The following UNC5C variants were observed in gnomAD, a reference collection of about 807,000 sequenced individuals.
UNC5C encodes the protein netrin receptor UNC5C.
UNC5C carries 47 observed loss-of-function variants against 99.8 expected under a neutral mutation model. That is an observed-to-expected ratio of 0.47 (90% confidence interval 0.37 to 0.60). The LOEUF (loss-of-function observed/expected upper bound fraction) is 0.60, where lower values mean the gene tolerates loss of function less well. Among genes scored for constraint, UNC5C ranks in the 20% least tolerant of loss-of-function variants. The pLI is 0.00. For missense variants in UNC5C, 1,062 were observed against 1,165.9 expected (o/e 0.91, Z 1.30); for synonymous variants, 487 against 452.2 (o/e 1.08, Z -0.98).
intron 12 of UNC5C, among the ~76,000 whole-genome samples, chr4:95,188,639 G>A (rs562900653): frequency 6.6e-5 from 10 of 152,202 alleles, no homozygotes; most frequent in African/African-American, 1.7e-4. Context: ...TGAATTCTTC[G>A]CACATGATCT....
At chr4:95,392,443 T>A (rs200305186) in intron 1 of UNC5C, among the ~76,000 whole-genome samples, 1,343 of 90,510 alleles carry the variant, frequency 0.015, 23 homozygotes, top group African/African-American at 0.075. Flanking sequence ...TTTTTTTTTT[T>A]TAAAAAAAAA....
intron 1 of UNC5C, among the ~76,000 whole-genome samples, chr4:95,515,434 A>C (rs1000591953): frequency 2.0e-5 from 3 of 152,204 alleles, no homozygotes; most frequent in Non-Finnish European, 4.4e-5. Flanking sequence ...GTCTGAATGA[A>C]ATCCCAATGG....
At chr4:95,437,655 C>A (rs1746831907) in intron 1 of UNC5C, among the ~76,000 whole-genome samples, 1 of 152,032 alleles carries the variant, frequency 6.6e-6, no homozygotes, top group South Asian at 2.1e-4. Flanking sequence ...CCTACTACAA[C>A]TGTAATTAGC....
chr4:95,497,929 C>A (rs1238956753), intron 1 of UNC5C, among the ~76,000 whole-genome samples: 1 of 151,962 alleles, frequency 6.6e-6, no homozygotes, highest in Non-Finnish European at 1.5e-5. Context: ...TAAATAGCTA[C>A]ATGATATTCA....
At chr4:95,338,250 A>T (rs923292546) in intron 1 of UNC5C, among the ~76,000 whole-genome samples, 1 of 152,082 alleles carries the variant, frequency 6.6e-6, no homozygotes, top group African/African-American at 2.4e-5. Flanking sequence ...TTCTTGCTCC[A>T]TAGAAAACTG....
chr4:95,213,841 A>C (rs892816615), intron 10 of UNC5C, among the ~76,000 whole-genome samples: 2 of 152,198 alleles, frequency 1.3e-5, no homozygotes, highest in African/African-American at 4.8e-5. Flanking sequence ...TGAGCAATAG[A>C]AAGTGTATCC....
chr4:95,350,686 T>G (rs548005892), intron 1 of UNC5C, among the ~76,000 whole-genome samples: 1 of 152,252 alleles, frequency 6.6e-6, no homozygotes, highest in East Asian at 1.9e-4. Flanking sequence ...CTAATAAGAA[T>G]GATTTATAAT....
chr4:95,387,125 A>G (rs1216653886), intron 1 of UNC5C, among the ~76,000 whole-genome samples: 2 of 151,624 alleles, frequency 1.3e-5, no homozygotes, highest in Non-Finnish European at 2.9e-5. Flanking sequence ...CTGTCTCTCT[A>G]TCTCACTCTC....
intron 7 of UNC5C, among the ~76,000 whole-genome samples, chr4:95,228,819 C>CTT (rs919430772): frequency 1.3e-5 from 2 of 152,074 alleles, no homozygotes; most frequent in Admixed American, 6.6e-5. Context: ...AGTCATGACA[C>CTT]TTATAAAGCC....
At chr4:95,362,816 A>G (rs941421009) in intron 1 of UNC5C, among the ~76,000 whole-genome samples, 18 of 152,206 alleles carry the variant, frequency 1.2e-4, no homozygotes, top group African/African-American at 4.1e-4. Flanking sequence ...TCTCTATGCC[A>G]TAGGCACTCT....
chr4:95,184,344 G>C (rs1490409432), intron 13 of UNC5C, among the ~76,000 whole-genome samples: 1 of 152,122 alleles, frequency 6.6e-6, no homozygotes, highest in Non-Finnish European at 1.5e-5. Context: ...CCAGTTCAGA[G>C]GCAATGCTGG....
chr4:95,504,137 G>A (rs1721849196), intron 1 of UNC5C, among the ~76,000 whole-genome samples: 1 of 152,022 alleles, frequency 6.6e-6, no homozygotes, highest in Non-Finnish European at 1.5e-5. Flanking sequence ...AAGTCCCACC[G>A]ACATTTTCTA....
At chr4:95,458,142 T>G (rs777750812) in intron 1 of UNC5C, among the ~76,000 whole-genome samples, 3 of 152,134 alleles carry the variant, frequency 2.0e-5, no homozygotes, top group Non-Finnish European at 4.4e-5. Flanking sequence ...GGCTCCAAGC[T>G]GCTCATTATT....
At chr4:95,293,456 C>A (rs1205426709) in intron 3 of UNC5C, among the ~76,000 whole-genome samples, 1 of 151,656 alleles carries the variant, frequency 6.6e-6, no homozygotes, top group African/African-American at 2.4e-5. Context: ...CAGCTGGGAT[C>A]ACAGGTGCAC....
chr4:95,218,093 A>G (rs1238592487), intron 9 of UNC5C, among the ~76,000 whole-genome samples: 1 of 152,212 alleles, frequency 6.6e-6, no homozygotes, highest in Non-Finnish European at 1.5e-5. Flanking sequence ...ATATTCCTTG[A>G]GTATACACAT....
intron 1 of UNC5C, among the ~76,000 whole-genome samples, chr4:95,453,304 A>G (rs149133373): frequency 1.3e-5 from 2 of 152,264 alleles, no homozygotes; most frequent in African/African-American, 2.4e-5. Flanking sequence ...CTCTTTACCA[A>G]TTAGATAATA....
At chr4:95,342,206 C>T (rs1188415464) in intron 1 of UNC5C, among the ~76,000 whole-genome samples, 1 of 152,100 alleles carries the variant, frequency 6.6e-6, no homozygotes, top group African/African-American at 2.4e-5. Context: ...TGTGCCACCC[C>T]TCCCCTAACC....
At chr4:95,517,866 C>T (rs1307330929) in intron 1 of UNC5C, among the ~76,000 whole-genome samples, 2 of 152,004 alleles carry the variant, frequency 1.3e-5, no homozygotes, top group Non-Finnish European at 2.9e-5. Context: ...CATTGAGTCT[C>T]TGATTTAGAT....
intron 1 of UNC5C, among the ~76,000 whole-genome samples, chr4:95,497,288 C>T (rs904131440): frequency 3.9e-5 from 6 of 151,964 alleles, no homozygotes; most frequent in African/African-American, 1.4e-4. Flanking sequence ...TACATTCCCA[C>T]CAGCAGTGTA....
Sources: gnomAD v4.1 joint callset for allele counts (sites outside exome capture counted in the v4.1 genomes callset) on GRCh38, gnomAD v4.1.1 for gene constraint, MANE v1.5 for transcripts, NCBI Gene and HGNC (gene_info 2026-07-23, HGNC 2026-07-21) for gene names.